PELI2: variants seen among roughly 807,000 people sequenced by gnomAD.
The protein encoded by PELI2 is pellino E3 ubiquitin protein ligase family member 2.
In PELI2, 23 loss-of-function variants were observed where a neutral mutation model predicts 42.3. The observed-to-expected ratio is 0.54, with a 90% CI of 0.39 to 0.77. PELI2 has a LOEUF of 0.77. Ranked by LOEUF, PELI2 falls within the 30% of genes least tolerant of loss-of-function variation. The pLI is 0.00. For synonymous variants in PELI2, 245 were observed against 212.2 expected, an observed-to-expected ratio of 1.15 and a Z score of -1.34; for missense variants, 463 against 553.2, an observed-to-expected ratio of 0.84 and a Z score of 1.64.
chr14:56,292,994 T>A, intron 5 of PELI2: 1 of 181,172 alleles, frequency 5.5e-6, no homozygotes, highest in Non-Finnish European at 1.1e-5. Context: ...ATTGCATACC[T>A]AATTTTAGGT....
At chr14:56,282,929 TTAATAC>T (rs371545723) in intron 3 of PELI2, among the ~76,000 whole-genome samples, 5 of 152,310 alleles carry the variant, frequency 3.3e-5, no homozygotes, top group African/African-American at 1.2e-4. Flanking sequence ...GAGAGAATTC[TTAATAC>T]TAAAAAAGTG....
chr14:56,165,704 G>A (rs998660754), intron 1 of PELI2, among the ~76,000 whole-genome samples: 2 of 152,140 alleles, frequency 1.3e-5, no homozygotes, highest in Non-Finnish European at 2.9e-5. Context: ...AGTTATTATT[G>A]TATTGGGGCT....
At position 56,241,084 on chromosome 14, in the gene PELI2, A is replaced by G. The variant is rs1594674641; in HGVS notation, c.208-38592A>G. Among the ~76,000 whole-genome samples, 2 of 143,374 alleles carry G rather than the reference A, an allele frequency of 1.4e-5. 1 individual carries two copies. The highest frequency in any genetic ancestry group is 1.5e-4 in the Admixed American group (2 of 13,734). The allele number at this position is 143,374 out of a possible 152,430, so 94.1% of individuals were successfully genotyped here. A position where few individuals can be genotyped will look rare whatever the true frequency, so the allele number is the denominator to read the frequency against. ...GAACACTGGAAACTGGACCAGTATC[A>G]TCCCCAGGAGGTTTGAGTATTCTTC... On this transcript the variant is annotated intron_variant, in intron 2 of 5. Coordinates refer to ENST00000267460, the MANE Select transcript of PELI2 (RefSeq NM_021255.3).
intron 1 of PELI2, among the ~76,000 whole-genome samples, chr14:56,137,980 C>G (rs546208870): frequency 6.6e-6 from 1 of 152,160 alleles, no homozygotes; most frequent in Non-Finnish European, 1.5e-5. Context: ...GCACATTTCC[C>G]TTGGGCTGTC....
At chr14:56,166,243 A>G (rs1368552773) in intron 1 of PELI2, among the ~76,000 whole-genome samples, 1 of 152,318 alleles carries the variant, frequency 6.6e-6, no homozygotes, top group East Asian at 1.9e-4. Context: ...CAAAAAGAAA[A>G]CTAAGAAAAA....
chr14:56,220,664 G>T (rs1223995566), intron 2 of PELI2, among the ~76,000 whole-genome samples: 2 of 151,860 alleles, frequency 1.3e-5, no homozygotes, highest in Non-Finnish European at 2.9e-5. Flanking sequence ...AGTGAAAGAA[G>T]AATCTGCCCT....
chr14:56,277,608 G>A (rs1273688964), intron 2 of PELI2, among the ~76,000 whole-genome samples: 2 of 152,000 alleles, frequency 1.3e-5, no homozygotes, highest in Admixed American at 1.3e-4. Flanking sequence ...TGGAAAAATT[G>A]TCTTCCACAA....
At chr14:56,277,658 T>C (rs955126897) in intron 2 of PELI2, among the ~76,000 whole-genome samples, 1 of 152,102 alleles carries the variant, frequency 6.6e-6, no homozygotes, top group African/African-American at 2.4e-5. Context: ...ACCACTACTC[T>C]AGAGCACCCT....
At chr14:56,177,996 A>G (rs1021399666) in intron 1 of PELI2, among the ~76,000 whole-genome samples, 55 of 152,224 alleles carry the variant, frequency 3.6e-4, no homozygotes, top group African/African-American at 1.3e-3. Flanking sequence ...GTCTATTAGA[A>G]TGGTGCTAGT....
intron 1 of PELI2, among the ~76,000 whole-genome samples, chr14:56,127,138 A>T (rs575293504): frequency 1.3e-5 from 2 of 152,186 alleles, no homozygotes; most frequent in African/African-American, 4.8e-5. Context: ...TGCATTTGTT[A>T]ATCTCCAATA....
chr14:56,271,834 A>G (rs1889115609), intron 2 of PELI2, among the ~76,000 whole-genome samples: 2 of 152,168 alleles, frequency 1.3e-5, no homozygotes, highest in African/African-American at 4.8e-5. Context: ...CAGAGAGCAG[A>G]TCGCGTGAGC....
intron 2 of PELI2, among the ~76,000 whole-genome samples, chr14:56,211,722 A>G (rs994197516): frequency 1.3e-5 from 2 of 152,180 alleles, no homozygotes; most frequent in Non-Finnish European, 2.9e-5. Context: ...TTATTTTTGT[A>G]TTGTTATTTA....
At chr14:56,162,234 T>A (rs570888891) in intron 1 of PELI2, among the ~76,000 whole-genome samples, 3 of 152,216 alleles carry the variant, frequency 2.0e-5, no homozygotes, top group South Asian at 2.1e-4. Flanking sequence ...TTTTTTTTTT[T>A]AAATACCCGT....
intron 2 of PELI2, among the ~76,000 whole-genome samples, chr14:56,263,494 T>C (rs1333839356): frequency 9.2e-5 from 14 of 152,042 alleles, no homozygotes; most frequent in Admixed American, 8.5e-4. Flanking sequence ...TGCCACAGAA[T>C]AGAATGTAAA....
Position 56,301,272 on chromosome 14 carries a change from C to T in PELI2, c.*4106C>T, listed in dbSNP as rs1566695243. ...TACAAGCCATTTTACAGGAAAAAAT[C>T]TTCAAAAACTATTAAATGGATATCA... On this transcript the variant is annotated 3_prime_UTR_variant, in exon 6 of 6. Transcript: ENST00000267460. 6.6e-6 allele frequency: 1 copy of T among 152,572 alleles called. No homozygotes were observed. Among genetic ancestry groups the T allele is most frequent in the East Asian group, 1.9e-4 (1 of 5,198 alleles). The allele number at this position is 152,572 out of a possible 1,614,324, so 9.5% of individuals were successfully genotyped here.
Position 56,297,925 on chromosome 14 carries a change from G to C in PELI2, c.*759G>C, listed in dbSNP as rs555607137. 1 of 152,194 alleles carries C rather than the reference G, an allele frequency of 6.6e-6. No individual in the cohort carries two copies. The highest frequency in any genetic ancestry group is 2.4e-5 in the African/African-American group (1 of 41,526). 9.4% of individuals were successfully genotyped at this position (152,194 alleles called of 1,614,324 possible). A position where few individuals can be genotyped will look rare whatever the true frequency, so the allele number is the denominator to read the frequency against. ...ATACTCATCTTGCACGGCCAGAACT[G>C]TTTGGTTGATTAAAATACATCAGCT... is the stretch of plus-strand genomic sequence containing the variant. On this transcript the variant is annotated 3_prime_UTR_variant, in exon 6 of 6. Coordinates refer to ENST00000267460, the MANE Select transcript of PELI2 (RefSeq NM_021255.3).
At chr14:56,158,424 C>T (rs1450581724) in intron 1 of PELI2, among the ~76,000 whole-genome samples, 2 of 152,112 alleles carry the variant, frequency 1.3e-5, no homozygotes, top group Non-Finnish European at 2.9e-5. Flanking sequence ...TCCCTGCAAC[C>T]TTGACCTCCT....
chr14:56,247,654 T>G (rs1161391398), intron 2 of PELI2, among the ~76,000 whole-genome samples: 1 of 152,206 alleles, frequency 6.6e-6, no homozygotes, highest in Non-Finnish European at 1.5e-5. Context: ...AATCATGGAT[T>G]AACACAAGAC....
At chr14:56,123,214 A>G (rs972130057) in intron 1 of PELI2, among the ~76,000 whole-genome samples, 3 of 148,632 alleles carry the variant, frequency 2.0e-5, no homozygotes, top group African/African-American at 7.5e-5. Flanking sequence ...CACTTTCTGT[A>G]TGCTTTTTGT....
Sources: gnomAD v4.1 joint callset for allele counts (sites outside exome capture counted in the v4.1 genomes callset) on GRCh38, gnomAD v4.1.1 for gene constraint, MANE v1.5 for transcripts, NCBI Gene and HGNC (gene_info 2026-07-23, HGNC 2026-07-21) for gene names.